The following CCT6A variants were observed in gnomAD, a reference collection of about 807,000 sequenced individuals.
CCT6A encodes the protein T-complex protein 1 subunit zeta.
Under a neutral mutation model 58.6 loss-of-function variants are expected in CCT6A, and 6 were observed. That is an observed-to-expected ratio of 0.10 (90% CI 0.06 to 0.20). The LOEUF is 0.20. Among genes scored for constraint, CCT6A ranks in the 10% least tolerant of loss-of-function variants. CCT6A has a pLI of 1.00. For synonymous variants in CCT6A, 245 were observed against 227.8 expected (o/e 1.08, Z -0.68); for missense variants, 516 against 648.8 (o/e 0.80, Z 2.22).
At chr7:56,055,600 A>C in intron 3 of CCT6A, 24 bp from the exon 4 acceptor site, 2 of 1,596,668 alleles carry the variant, frequency 1.3e-6, no homozygotes, top group Admixed American at 1.7e-5. Context: ...TGAAGATGCA[A>C]GTGTTAATGT....
chr7:56,062,025 T>G, intron 12 of CCT6A, 176 bp downstream of exon 12: 2 of 468,534 alleles, frequency 4.3e-6, no homozygotes, highest in South Asian at 3.6e-5. Flanking sequence ...TAGGTATAAT[T>G]AAGGGACGAG....
intron 2 of CCT6A, among the ~76,000 whole-genome samples, 164 bp from the exon 3 acceptor site, chr7:56,054,205 T>C (rs112200778): frequency 4.6e-5 from 7 of 152,358 alleles, no homozygotes; most frequent in East Asian, 1.9e-4. Flanking sequence ...TTTCAATCAT[T>C]ATAATTGCAT....
In CCT6A at chr7:56,052,454, C is replaced by G. The variant is rs1188646868; in HGVS notation, c.170C>G (p.Thr57Ser). 6.2e-6 allele frequency: 10 copies of G among 1,613,972 alleles called. No individual in the cohort carries two copies. The highest frequency in any genetic ancestry group is 3.3e-5 in the Admixed American group (2 of 59,998). Residue 57 changes from threonine to serine, a missense_variant, in exon 2 of 14, where the codon ACT becomes AGT. Physicochemically the swap from Thr to Ser is moderately conservative, Grantham distance 58. Transcript: ENST00000275603. ...LVSGAGDIKL[T>S]KDGNVLLHEM... ...TCTGGCGCTGGAGACATCAAACTTA[C>G]TAAAGACGGCAATGTGCTGCTTCAC...
At chr7:56,060,590 G>A (rs746906786) in intron 10 of CCT6A, 174 bp downstream of exon 10, 2 of 936,578 alleles carry the variant, frequency 2.1e-6, no homozygotes, top group African/African-American at 3.2e-5. Context: ...CATTATTAAA[G>A]GTGAATACAA....
chr7:56,055,508 C>T (rs1467612653), intron 3 of CCT6A, 116 bp from the exon 4 acceptor site: 14 of 842,526 alleles, frequency 1.7e-5, no homozygotes, highest in Non-Finnish European at 2.4e-5. Flanking sequence ...CATTATATTA[C>T]CTCGTGTTCA....
chr7:56,051,811 C>T lies in CCT6A; in HGVS notation c.-38C>T, dbSNP rs1234835641. The T allele has an allele frequency of 4.5e-6, 7 of 1,545,352 alleles. No individual in the cohort carries two copies. Among genetic ancestry groups the T allele is most frequent in the Middle Eastern group, 2.1e-4 (1 of 4,668 alleles). On this transcript the variant is annotated 5_prime_UTR_variant, in exon 1 of 14. Transcript: ENST00000275603. ...CCGGCCACGCCGCGCCGGCTCTGGG[C>T]ACTCAGCATCGTTTCCTTTTCCTCC...
At position 56,060,904 on chromosome 7, in the gene CCT6A, C is replaced by A. The variant is rs1794418798; in HGVS notation, c.1311C>A (p.Val437=). ...TAAAGGGCAGGGCACAGCTTGGAGTCCAAGCATTTGCTGATGCATTGCTCA... is the reference window on the plus strand; with the variant it reads ...TAAAGGGCAGGGCACAGCTTGGAGTACAAGCATTTGCTGATGCATTGCTCA... ...PSVKGRAQLG[V]QAFADALLII... Residue 437 remains valine (V), a synonymous_variant, in exon 11 of 14, where the codon GTC becomes GTA. Coordinates refer to ENST00000275603, the MANE Select transcript of CCT6A (RefSeq NM_001762.4). The A allele has an allele frequency of 6.2e-7, 1 of 1,612,870 alleles. No homozygotes were observed. Among genetic ancestry groups the A allele is most frequent in the East Asian group, 2.2e-5 (1 of 44,884 alleles).
In CCT6A at chr7:56,062,680, T is replaced by G; in HGVS notation, c.1451-3T>G. On this transcript the variant is annotated splice_polypyrimidine_tract_variant and splice_region_variant and intron_variant, in intron 12 of 13. Coordinates refer to ENST00000275603, the MANE Select transcript of CCT6A (RefSeq NM_001762.4). ...CTTATTTTAAGATTTGGTTGCCTTT[T>G]AGGTGAGCCAATGGTGGCAGCAGAA... 1 of 1,613,656 alleles carries G rather than the reference T, an allele frequency of 6.2e-7. No individual in the cohort carries two copies. The highest frequency in any genetic ancestry group is 8.5e-7 in the Non-Finnish European group (1 of 1,179,560).
chr7:56,055,072 G>A (rs773682596), intron 3 of CCT6A, among the ~76,000 whole-genome samples: 3 of 152,164 alleles, frequency 2.0e-5, no homozygotes, highest in Admixed American at 6.5e-5. Context: ...TTGGGAGTTC[G>A]AGACCAGTCT....
Position 56,061,846 on chromosome 7 carries a change from A to G in CCT6A, c.1447A>G (p.Thr483Ala). ...TCAGCTTGTGGGTGTGGACCTGAAC[A>G]CAGGTAAGAGAATGCAACTGTTGTA... ...SGQLVGVDLN[T>A]GEPMVAAEVG... The change falls in exon 12 of 14, where the codon ACA (threonine) becomes GCA (alanine). Residue 483 changes from threonine to alanine, a missense_variant. By Grantham distance (58) the Thr-to-Ala change is moderately conservative. Around this residue, in one of 3 missense-constraint regions of CCT6A, gnomAD observed 315 missense variants for 389.4 expected, o/e 0.81. Coordinates refer to ENST00000275603, the MANE Select transcript of CCT6A (RefSeq NM_001762.4). 6.4e-7 allele frequency: 1 copy of G among 1,553,634 alleles called. No homozygotes were observed. Among genetic ancestry groups the G allele is most frequent in the Middle Eastern group, 1.7e-4 (1 of 5,942 alleles).
chr7:56,054,375 C>G lies in CCT6A; in HGVS notation c.208C>G (p.Gln70Glu). 6.2e-7 allele frequency: 1 copy of G among 1,603,622 alleles called. No individual in the cohort carries two copies. The highest frequency in any genetic ancestry group is 8.5e-7 in the Non-Finnish European group (1 of 1,172,750). ...ATTCTTTTTCTACTTACAGCAAATTCAACACCCAACAGCTTCCTTAATAGC... is the reference window on the plus strand; with the variant it reads ...ATTCTTTTTCTACTTACAGCAAATTGAACACCCAACAGCTTCCTTAATAGC... ...GNVLLHEMQIQHPTASLIAKV... is the reference protein window; with the variant it reads ...GNVLLHEMQIEHPTASLIAKV... The change falls in exon 3 of 14, where the codon CAA (glutamine) becomes GAA (glutamate). Residue 70 changes from glutamine (Q) to glutamate (E), a missense_variant. This residue lies in a region of CCT6A where 116 missense variants were observed against 184.5 expected (regional missense o/e 0.63). Coordinates refer to ENST00000275603, the MANE Select transcript of CCT6A (RefSeq NM_001762.4).
chr7:56,063,108 A>T lies in CCT6A; in HGVS notation c.*23A>T, dbSNP rs1562853406. 6.7e-7 allele frequency: 1 copy of T among 1,491,136 alleles called. No homozygotes were observed. Among genetic ancestry groups the T allele is most frequent in the Admixed American group, 1.7e-5 (1 of 59,844 alleles). The allele number at this position is 1,491,136 out of a possible 1,614,324, so 92.4% of individuals were successfully genotyped here. A position where few individuals can be genotyped will look rare whatever the true frequency, so the allele number is the denominator to read the frequency against. On this transcript the variant is annotated 3_prime_UTR_variant, in exon 14 of 14. Coordinates refer to ENST00000275603, the MANE Select transcript of CCT6A (RefSeq NM_001762.4). ...TGAATTGAAGCTTCCTCTGTATCTG[A>T]ATCTTGAAGACTGCAAAGTGATCCT...
chr7:56,057,774 G>A (rs1033262925), intron 5 of CCT6A, among the ~76,000 whole-genome samples: 1 of 152,148 alleles, frequency 6.6e-6, no homozygotes, highest in African/African-American at 2.4e-5. Flanking sequence ...CCAGCTGCTT[G>A]AGAGGCTGAG....
chr7:56,053,138 T>C (rs1794216543), intron 2 of CCT6A, among the ~76,000 whole-genome samples: 1 of 152,162 alleles, frequency 6.6e-6, no homozygotes, highest in Non-Finnish European at 1.5e-5. Context: ...CATCTCTATC[T>C]CCAACTGGAG....
At chr7:56,052,016 G>T in intron 1 of CCT6A, 31 bp downstream of exon 1, 1 of 1,426,142 alleles carries the variant, frequency 7.0e-7, no homozygotes, top group Non-Finnish European at 9.2e-7. Context: ...AGGGCCGGGC[G>T]GGCACCGCGC....
intron 4 of CCT6A, 138 bp from the exon 5 acceptor site, chr7:56,056,173 G>A: frequency 1.5e-6 from 1 of 657,710 alleles, no homozygotes; most frequent in Non-Finnish European, 2.7e-6. Flanking sequence ...TACATATAAT[G>A]TATTCTATTT....
intron 3 of CCT6A, among the ~76,000 whole-genome samples, chr7:56,054,857 CT>C (rs1794270775): frequency 1.3e-5 from 2 of 152,200 alleles, no homozygotes; most frequent in Admixed American, 6.5e-5. Flanking sequence ...TTAGCCCTGA[CT>C]AGTTCCAAGG....
chr7:56,057,169 T>G (rs1171137567), intron 5 of CCT6A, among the ~76,000 whole-genome samples: 3 of 152,282 alleles, frequency 2.0e-5, no homozygotes, highest in East Asian at 3.9e-4. Context: ...AATATTGTTT[T>G]TAGTAATATT....
At chr7:56,062,321 G>T (rs759148147) in intron 12 of CCT6A, among the ~76,000 whole-genome samples, 32 of 152,146 alleles carry the variant, frequency 2.1e-4, no homozygotes, top group Non-Finnish European at 4.3e-4. Context: ...GAGATAACAG[G>T]TACCTCCATG....
Sources: gnomAD v4.1 joint callset for allele counts (sites outside exome capture counted in the v4.1 genomes callset) on GRCh38, gnomAD v4.1.1 for gene constraint, gnomAD v4.1.1 regional missense constraint, MANE v1.5 for transcripts, NCBI Gene and HGNC (gene_info 2026-07-23, HGNC 2026-07-21) for gene names.